The following UNC5D variants were observed in gnomAD, a reference collection of about 807,000 sequenced individuals.
UNC5D encodes netrin receptor UNC5D.
A neutral mutation model predicts 105.4 loss-of-function variants in UNC5D; 39 were observed. The observed-to-expected ratio is 0.37, with a 90% confidence interval of 0.29 to 0.48. The LOEUF is 0.48. Among genes scored for constraint, UNC5D ranks in the 20% least tolerant of loss-of-function variants. UNC5D has a pLI of 0.98. For synonymous variants in UNC5D, 452 were observed against 450.4 expected, an observed-to-expected ratio of 1.00 and a Z score of -0.04; for missense variants, 991 against 1,202.4, an observed-to-expected ratio of 0.82 and a Z score of 2.60.
intron 1 of UNC5D, among the ~76,000 whole-genome samples, chr8:35,388,363 C>T (rs1004495852): frequency 2.0e-5 from 3 of 151,526 alleles, no homozygotes; most frequent in African/African-American, 7.3e-5. Context: ...AACCCCATCT[C>T]GAAAAAAACC....
intron 1 of UNC5D, among the ~76,000 whole-genome samples, chr8:35,337,695 T>A (rs905638073): frequency 3.3e-5 from 5 of 152,126 alleles, no homozygotes; most frequent in Non-Finnish European, 7.4e-5. Flanking sequence ...TTATCTATGT[T>A]AGAAAAACCA....
At chr8:35,590,296 G>A (rs1819082609) in intron 3 of UNC5D, among the ~76,000 whole-genome samples, 2 of 151,860 alleles carry the variant, frequency 1.3e-5, no homozygotes, top group Admixed American at 1.3e-4. Context: ...ATCCCTTAAG[G>A]GATCTTTAAT....
At chr8:35,686,163 C>T (rs1005462262) in intron 6 of UNC5D, among the ~76,000 whole-genome samples, 3 of 152,134 alleles carry the variant, frequency 2.0e-5, no homozygotes, top group African/African-American at 7.2e-5. Flanking sequence ...AAACTGTCAA[C>T]CACTAAGAAA....
chr8:35,564,311 T>C (rs1817175772), intron 2 of UNC5D, among the ~76,000 whole-genome samples: 1 of 152,172 alleles, frequency 6.6e-6, no homozygotes, highest in African/African-American at 2.4e-5. Flanking sequence ...GCTTCTTTGG[T>C]GAGACTCCAC....
chr8:35,383,410 A>T (rs1275447242), intron 1 of UNC5D, among the ~76,000 whole-genome samples: 1 of 152,364 alleles, frequency 6.6e-6, no homozygotes, highest in Middle Eastern at 3.4e-3. Flanking sequence ...AATGAAGATG[A>T]CTAGGCAATG....
intron 1 of UNC5D, among the ~76,000 whole-genome samples, chr8:35,343,343 G>T (rs1049894862): frequency 6.6e-6 from 1 of 151,956 alleles, no homozygotes; most frequent in South Asian, 2.1e-4. Context: ...AACGTTAGAG[G>T]TCATCATTCT....
chr8:35,601,161 C>A (rs892165525), intron 4 of UNC5D, among the ~76,000 whole-genome samples: 3 of 152,066 alleles, frequency 2.0e-5, no homozygotes, highest in Admixed American at 1.3e-4. Flanking sequence ...TGTTCTATAT[C>A]TCGGTTTTGG....
intron 1 of UNC5D, among the ~76,000 whole-genome samples, chr8:35,490,583 A>T (rs549432596): frequency 1.3e-5 from 2 of 152,158 alleles, no homozygotes; most frequent in African/African-American, 4.8e-5. Flanking sequence ...CTTTCAATAT[A>T]GCTTTTATAT....
chr8:35,641,331 T>C (rs996606682), intron 4 of UNC5D, among the ~76,000 whole-genome samples: 1 of 137,482 alleles, frequency 7.3e-6, no homozygotes, highest in African/African-American at 2.8e-5. Flanking sequence ...GGCTGTATGA[T>C]GTATCTCACT....
chr8:35,592,569 T>G (rs147033748), intron 3 of UNC5D, among the ~76,000 whole-genome samples: 1,789 of 152,290 alleles, frequency 0.012, 20 homozygotes, highest in South Asian at 0.034. Context: ...TTCCATCATG[T>G]CTACTATATT....
At position 35,658,205 on chromosome 8, in the gene UNC5D, C is replaced by CT. The variant is rs77542878; in HGVS notation, c.571-25337dup. Among the ~76,000 whole-genome samples, 251 of 152,240 alleles carry CT rather than the reference C, an allele frequency of 1.6e-3. 4 individuals carry two copies. The East Asian group carries it at 0.042, about 25-fold the overall frequency. On this transcript the variant is annotated intron_variant, in intron 4 of 16. Coordinates refer to ENST00000404895, the MANE Select transcript of UNC5D (RefSeq NM_080872.4). ...ATGTTACAAAATAGAGAAACAGCTTCTTTTTGTCTGTGTAAGAAATTATTT... is the reference window on the plus strand; with the variant it reads ...ATGTTACAAAATAGAGAAACAGCTTCTTTTTTGTCTGTGTAAGAAATTATTT...
chr8:35,524,783 G>C (rs994549376), intron 1 of UNC5D, among the ~76,000 whole-genome samples: 14 of 150,500 alleles, frequency 9.3e-5, no homozygotes, highest in African/African-American at 3.4e-4. Flanking sequence ...AGATGTAAAA[G>C]TTTCTTTCAA....
At chr8:35,438,955 C>A (rs764974229) in intron 1 of UNC5D, among the ~76,000 whole-genome samples, 10 of 151,926 alleles carry the variant, frequency 6.6e-5, no homozygotes, top group Non-Finnish European at 1.5e-4. Context: ...ATAAAAGGAC[C>A]CCTGTTCTGG....
intron 4 of UNC5D, among the ~76,000 whole-genome samples, chr8:35,682,320 GA>G (rs1825723837): frequency 6.6e-6 from 1 of 152,188 alleles, no homozygotes; most frequent in Admixed American, 6.5e-5. Context: ...GCAATGAAAT[GA>G]AGTATCTTAT....
chr8:35,412,673 C>G (rs1041800690), intron 1 of UNC5D, among the ~76,000 whole-genome samples: 4 of 151,998 alleles, frequency 2.6e-5, no homozygotes, highest in African/African-American at 7.2e-5. Flanking sequence ...ACTATGAGGC[C>G]TTTAGGAAGG....
chr8:35,792,933 G>A lies in UNC5D; in HGVS notation c.*2370G>A, dbSNP rs1173853149. On this transcript the variant is annotated 3_prime_UTR_variant, in exon 17 of 17. Transcript: ENST00000404895. ...TATTTTAAGATGAGACAAGATTATT[G>A]TCAATCCCTGAATGTCTGGAGTTAC... 2.8e-5 allele frequency: 12 copies of A among 433,270 alleles called. No individual in the cohort carries two copies. The highest frequency in any genetic ancestry group is 3.6e-5 in the Non-Finnish European group (8 of 221,070). The allele number at this position is 433,270 out of a possible 1,614,324, so 26.8% of individuals were successfully genotyped here.
intron 1 of UNC5D, among the ~76,000 whole-genome samples, chr8:35,295,257 G>T (rs546525351): frequency 3.3e-5 from 5 of 152,224 alleles, no homozygotes; most frequent in African/African-American, 1.2e-4. Context: ...TTTTACAATA[G>T]ATTTTATGGT....
At chr8:35,534,157 T>C (rs1271399023) in intron 1 of UNC5D, among the ~76,000 whole-genome samples, 1 of 152,172 alleles carries the variant, frequency 6.6e-6, no homozygotes, top group East Asian at 1.9e-4. Flanking sequence ...AGTTTTCTTT[T>C]GTAGTTTTTT....
At chr8:35,625,318 C>T (rs1354755205) in intron 4 of UNC5D, among the ~76,000 whole-genome samples, 1 of 152,110 alleles carries the variant, frequency 6.6e-6, no homozygotes, top group Non-Finnish European at 1.5e-5. Context: ...GGTTCCCCCT[C>T]GATGTTCTGG....
Sources: allele counts gnomAD v4.1 joint callset (sites outside exome capture counted in the v4.1 genomes callset), GRCh38; gene constraint gnomAD v4.1.1; transcripts MANE v1.5; gene names NCBI Gene and HGNC (gene_info 2026-07-23, HGNC 2026-07-21).